Variants in APBB2 observed in about 807,000 individuals in gnomAD.
APBB2 encodes Fe65-like 1.
A neutral mutation model predicts 82.5 loss-of-function variants in APBB2; 38 were observed. The observed-to-expected ratio is 0.46, with a 90% CI of 0.36 to 0.60. The LOEUF (loss-of-function observed/expected upper bound fraction) is 0.60. Ranked by LOEUF, APBB2 falls within the 20% of genes least tolerant of loss-of-function variation. APBB2 has a pLI of 0.00. For synonymous variants in APBB2, 341 were observed against 368.2 expected (o/e 0.93, Z 0.85); for missense variants, 772 against 972.3 (o/e 0.79, Z 2.74).
intron 5 of APBB2, among the ~76,000 whole-genome samples, chr4:41,022,310 C>A (rs758295016): frequency 3.9e-5 from 6 of 152,124 alleles, no homozygotes; most frequent in Non-Finnish European, 7.3e-5. Flanking sequence ...AATGTTCTTG[C>A]GGTGATTCTA....
intron 12 of APBB2, among the ~76,000 whole-genome samples, chr4:40,864,993 G>A (rs1195885627): frequency 6.6e-6 from 1 of 151,658 alleles, no homozygotes; most frequent in Non-Finnish European, 1.5e-5. Context: ...CGAGTAGCTG[G>A]GATTACAGGC....
intron 3 of APBB2, among the ~76,000 whole-genome samples, chr4:41,078,961 A>G (rs1736593358): frequency 6.6e-6 from 1 of 152,200 alleles, no homozygotes; most frequent in Non-Finnish European, 1.5e-5. Flanking sequence ...CACATGACTT[A>G]GCCGTGGTCA....
intron 1 of APBB2, among the ~76,000 whole-genome samples, chr4:41,184,489 G>A (rs1772324819): frequency 6.6e-6 from 1 of 152,126 alleles, no homozygotes; most frequent in Non-Finnish European, 1.5e-5. Context: ...CCTGGGCTTA[G>A]ACCACTCTGC....
rs912283543 is a variant in APBB2 at position 40,813,254 on chromosome 4, T to C, written c.*2838A>G. The C allele has an allele frequency of 6.6e-6, 1 of 152,166 alleles. No homozygotes were observed. The highest frequency in any genetic ancestry group is 2.4e-5 in the African/African-American group (1 of 41,444). 9.4% of individuals were successfully genotyped at this position (152,166 alleles called of 1,614,324 possible). ...GGGAGATAATATCCAGGAAAGATAA[T>C]ACATTAACACAATAATGCAGTATAT... is the stretch of plus-strand genomic sequence containing the variant. On this transcript the variant is annotated 3_prime_UTR_variant, in exon 18 of 18. Transcript: ENST00000508593.
At chr4:41,109,687 GTCTTGATCTCCTGACCTCATGA>G (rs1454933884) in intron 2 of APBB2, among the ~76,000 whole-genome samples, 1 of 152,124 alleles carries the variant, frequency 6.6e-6, no homozygotes, top group Non-Finnish European at 1.5e-5. Flanking sequence ...AGCCAGGATG[GTCTTGATCTCCTGACCTCATGA>G]TCTGCCCGCC....
chr4:40,810,824 G>A lies in APBB2; in HGVS notation c.*5268C>T, dbSNP rs1161581558. On this transcript the variant is annotated 3_prime_UTR_variant, in exon 18 of 18. Coordinates refer to ENST00000508593, the MANE Select transcript of APBB2 (RefSeq NM_004307.2). ...ACCCAGATTTCTATCTGGTTGGTTA[G>A]GGTAGTCCATGCCTCAAGGAAGGCG... 1.3e-5 allele frequency: 2 copies of A among 152,112 alleles called. No individual in the cohort carries two copies. Among genetic ancestry groups the A allele is most frequent in the African/African-American group, 4.8e-5 (2 of 41,408 alleles). 9.4% of individuals were successfully genotyped at this position (152,112 alleles called of 1,614,324 possible).
At chr4:40,918,015 A>G (rs900158941) in intron 10 of APBB2, among the ~76,000 whole-genome samples, 1 of 152,256 alleles carries the variant, frequency 6.6e-6, no homozygotes, top group Non-Finnish European at 1.5e-5. Context: ...AACTTATTCC[A>G]TGACAATGCA....
At chr4:40,846,337 A>C (rs1367734181) in intron 12 of APBB2, among the ~76,000 whole-genome samples, 2 of 151,186 alleles carry the variant, frequency 1.3e-5, no homozygotes, top group African/African-American at 4.9e-5. Context: ...AAAAAAAAAA[A>C]AAAAAAAAAA....
At chr4:40,946,810 C>G (rs935670419) in intron 6 of APBB2, among the ~76,000 whole-genome samples, 3 of 152,196 alleles carry the variant, frequency 2.0e-5, no homozygotes, top group African/African-American at 7.2e-5. Context: ...AAGGAGAACA[C>G]GAGTGGGCCT....
chr4:40,933,487 C>G, intron 10 of APBB2, among the ~76,000 whole-genome samples: 1 of 152,134 alleles, frequency 6.6e-6, no homozygotes, highest in Non-Finnish European at 1.5e-5. Context: ...AAGAGGCTCA[C>G]CCCCACTGAG....
intron 10 of APBB2, among the ~76,000 whole-genome samples, chr4:40,929,116 G>A (rs74931386): frequency 0.017 from 2,541 of 151,638 alleles, 64 homozygotes; most frequent in African/African-American, 0.055. Flanking sequence ...ACAACATGAC[G>A]GCGATCTGGA....
intron 12 of APBB2, among the ~76,000 whole-genome samples, chr4:40,836,150 A>G (rs556239129): frequency 6.6e-6 from 1 of 152,188 alleles, no homozygotes; most frequent in East Asian, 1.9e-4. Flanking sequence ...AGGTGGGTGA[A>G]GTCGGGGGAG....
chr4:40,999,359 T>C (rs1804519587), intron 6 of APBB2, among the ~76,000 whole-genome samples: 1 of 152,152 alleles, frequency 6.6e-6, no homozygotes, highest in Non-Finnish European at 1.5e-5. Flanking sequence ...GGGAGGACCA[T>C]TTGAGCCCAG....
At chr4:41,190,817 C>T (rs952458059) in intron 1 of APBB2, among the ~76,000 whole-genome samples, 1 of 152,130 alleles carries the variant, frequency 6.6e-6, no homozygotes, top group African/African-American at 2.4e-5. Context: ...AAGTAAAACA[C>T]TTTAAGAAGA....
At chr4:40,872,505 C>A (rs1313970328) in intron 12 of APBB2, among the ~76,000 whole-genome samples, 3 of 152,168 alleles carry the variant, frequency 2.0e-5, no homozygotes, top group African/African-American at 7.2e-5. Flanking sequence ...TTAGCACATC[C>A]CATGAGGGCA....
intron 12 of APBB2, among the ~76,000 whole-genome samples, chr4:40,856,139 G>C (rs941409471): frequency 6.6e-6 from 1 of 152,200 alleles, no homozygotes; most frequent in Non-Finnish European, 1.5e-5. Context: ...CCCCATTCAT[G>C]ATACAAGTCA....
intron 10 of APBB2, among the ~76,000 whole-genome samples, chr4:40,928,462 C>T (rs933710335): frequency 6.6e-6 from 1 of 151,768 alleles, no homozygotes; most frequent in Non-Finnish European, 1.5e-5. Context: ...GCCTGTAATC[C>T]CAGCTACTTG....
chr4:40,849,322 A>G (rs1758582720), intron 12 of APBB2, among the ~76,000 whole-genome samples: 1 of 152,236 alleles, frequency 6.6e-6, no homozygotes, highest in Non-Finnish European at 1.5e-5. Context: ...AAGCGAATCT[A>G]TACTCTGATC....
chr4:40,942,549 G>A (rs1285118894), intron 7 of APBB2, among the ~76,000 whole-genome samples: 1 of 152,120 alleles, frequency 6.6e-6, no homozygotes, highest in Non-Finnish European at 1.5e-5. Context: ...TGCCTCAGGA[G>A]ACTCCTGAGA....
Sources: gnomAD v4.1 joint callset for allele counts (sites outside exome capture counted in the v4.1 genomes callset) on GRCh38, gnomAD v4.1.1 for gene constraint, MANE v1.5 for transcripts, NCBI Gene and HGNC (gene_info 2026-07-23, HGNC 2026-07-21) for gene names.